SPATA13: variants seen among roughly 807,000 people sequenced by gnomAD.
SPATA13 encodes the protein spermatogenesis-associated protein 13.
In SPATA13, 50 loss-of-function variants were observed where a neutral mutation model predicts 104.0. The ratio of observed to expected loss-of-function variants is 0.48; its 90% CI spans 0.38 to 0.61. SPATA13 has a LOEUF of 0.61. SPATA13 is among the 20% of genes least tolerant of loss of function. The pLI is 0.00. For synonymous variants in SPATA13, 606 were observed against 667.5 expected (o/e 0.91, Z 1.42); for missense variants, 1,524 against 1,690.6 (o/e 0.90, Z 1.73).
intron 4 of SPATA13, among the ~76,000 whole-genome samples, chr13:24,258,277 A>G (rs796455384): frequency 6.6e-6 from 1 of 151,418 alleles, no homozygotes; most frequent in East Asian, 1.9e-4. Context: ...CTGCCTGTCA[A>G]TAAGAAAGCA....
chr13:24,024,947 TATATATATAAATATATATATAAAC>T (rs1877144142), intron 3 of SPATA13, among the ~76,000 whole-genome samples: 1 of 148,804 alleles, frequency 6.7e-6, no homozygotes, highest in Admixed American at 6.7e-5. Context: ...TATATATAAA[TATATATATAAATATATATATAAAC>T]ACAGATGAAG....
rs1877317752 is a variant in SPATA13 at position 24,302,968 on chromosome 13, G to C, written c.*195G>C. 3.0e-6 allele frequency: 2 copies of C among 667,768 alleles called. No individual in the cohort carries two copies. Among genetic ancestry groups the C allele is most frequent in the Admixed American group, 5.4e-5 (2 of 37,380 alleles). The allele number at this position is 667,768 out of a possible 1,614,324, so 41.4% of individuals were successfully genotyped here. A position where few individuals can be genotyped will look rare whatever the true frequency, so the allele number is the denominator to read the frequency against. On this transcript the variant is annotated 3_prime_UTR_variant, in exon 13 of 13. Transcript: ENST00000382108. ...GCTGCCTTTGTGGAAGGGAGGAGAC[G>C]GTCATGACACAAAGCTTTATCCTAC...
chr13:24,016,426 C>CA (rs772666651), intron 2 of SPATA13, among the ~76,000 whole-genome samples: 7 of 152,224 alleles, frequency 4.6e-5, no homozygotes, highest in Non-Finnish European at 7.3e-5. Context: ...ATTGACTTCT[C>CA]ACGTTTCTCA....
chr13:24,068,686 T>A (rs1223194424), intron 3 of SPATA13, among the ~76,000 whole-genome samples: 1 of 152,202 alleles, frequency 6.6e-6, no homozygotes, highest in Non-Finnish European at 1.5e-5. Flanking sequence ...TCTTATGCAG[T>A]GAGAGCCTTA....
chr13:24,071,598 C>T (rs777764930), intron 3 of SPATA13, among the ~76,000 whole-genome samples: 10 of 152,154 alleles, frequency 6.6e-5, no homozygotes, highest in Non-Finnish European at 1.2e-4. Context: ...CTGACTCAGC[C>T]CTCTGTAGTA....
At chr13:24,070,761 C>G (rs1042172598) in intron 3 of SPATA13, among the ~76,000 whole-genome samples, 2 of 152,108 alleles carry the variant, frequency 1.3e-5, no homozygotes, top group Non-Finnish European at 2.9e-5. Context: ...TGACCCTCCC[C>G]CAAGTAATGA....
Position 24,249,821 on chromosome 13 carries a change from A to T in SPATA13, c.1998A>T (p.Glu666Asp), listed in dbSNP as rs1194590061. The change falls in exon 3 of 13, where the codon GAA becomes GAT. Residue 666 changes from glutamate to aspartate, a missense_variant. Transcript: ENST00000382108. Reference protein sequence around the residue: ...VSLYGTNQTEELDNLLTQPAS... With the variant: ...VSLYGTNQTEDLDNLLTQPAS... ...TGTATGGGACCAACCAGACGGAGGA[A>T]CTGGACAATCTTCTGACCCAAGTAA... The T allele has an allele frequency of 1.9e-6, 3 of 1,607,850 alleles. No individual in the cohort carries two copies. The highest frequency in any genetic ancestry group is 2.5e-6 in the Non-Finnish European group (3 of 1,176,882).
intron 2 of SPATA13, among the ~76,000 whole-genome samples, chr13:23,997,630 AG>A (rs1875758463): frequency 2.6e-5 from 4 of 152,214 alleles, no homozygotes; most frequent in Admixed American, 2.0e-4. Flanking sequence ...CAGGTTATAC[AG>A]GAAGCATCAG....
chr13:24,124,133 A>G (rs1881132380), intron 3 of SPATA13, among the ~76,000 whole-genome samples: 1 of 152,222 alleles, frequency 6.6e-6, no homozygotes, highest in East Asian at 1.9e-4. Flanking sequence ...GCACCCAGCA[A>G]CATACAAATT....
At chr13:23,994,884 G>A (rs1434726717) in intron 2 of SPATA13, among the ~76,000 whole-genome samples, 1 of 152,180 alleles carries the variant, frequency 6.6e-6, no homozygotes, top group Non-Finnish European at 1.5e-5. Flanking sequence ...AAGCATATCA[G>A]CACACTGTTA....
chr13:24,037,814 C>T (rs1431830561), intron 3 of SPATA13, among the ~76,000 whole-genome samples: 1 of 152,084 alleles, frequency 6.6e-6, no homozygotes, highest in African/African-American at 2.4e-5. Flanking sequence ...ATGAAACCCC[C>T]AGAACTTGTA....
intron 1 of SPATA13, among the ~76,000 whole-genome samples, chr13:24,212,943 T>A (rs1871105849): frequency 1.3e-5 from 2 of 152,246 alleles, no homozygotes; most frequent in South Asian, 4.1e-4. Context: ...AGGATAGGCA[T>A]GTGGCCGGTG....
At chr13:24,131,959 C>T (rs973765440) in intron 3 of SPATA13, among the ~76,000 whole-genome samples, 12 of 152,192 alleles carry the variant, frequency 7.9e-5, no homozygotes, top group African/African-American at 2.9e-4. Flanking sequence ...CAGCTTAGAA[C>T]ACACAGCTTC....
chr13:24,035,127 A>G (rs55722906), intron 3 of SPATA13: 4 of 152,284 alleles, frequency 2.6e-5, no homozygotes, highest in Non-Finnish European at 5.9e-5. Context: ...AACATCCTAT[A>G]CTTATTGGGC....
intron 2 of SPATA13, among the ~76,000 whole-genome samples, chr13:24,007,149 G>C (rs1876270189): frequency 6.6e-6 from 1 of 152,154 alleles, no homozygotes; most frequent in Non-Finnish European, 1.5e-5. Context: ...TGCCTCTCCT[G>C]ATTGCCAAGC....
At chr13:24,134,779 G>T (rs28427412) in intron 3 of SPATA13, among the ~76,000 whole-genome samples, 4,832 of 152,260 alleles carry the variant, frequency 0.032, 201 homozygotes, top group African/African-American at 0.098. Context: ...GGCCTCAGGA[G>T]AGCTTCACTC....
At chr13:24,041,323 G>T (rs368435178) in intron 3 of SPATA13, among the ~76,000 whole-genome samples, 1 of 152,136 alleles carries the variant, frequency 6.6e-6, no homozygotes, top group African/African-American at 2.4e-5. Context: ...ACAGATAAAG[G>T]GTTTTTGTTT....
chr13:24,257,267 C>G (rs1231266215), intron 4 of SPATA13, among the ~76,000 whole-genome samples: 1 of 152,168 alleles, frequency 6.6e-6, no homozygotes, highest in African/African-American at 2.4e-5. Flanking sequence ...GTTTACTTCG[C>G]TGTTAGACTT....
At chr13:24,204,479 T>C (rs1316208781) in intron 1 of SPATA13, among the ~76,000 whole-genome samples, 1 of 152,304 alleles carries the variant, frequency 6.6e-6, no homozygotes, top group South Asian at 2.1e-4. Flanking sequence ...TTTTTAGGCA[T>C]AAAATTCAGT....
Sources: gnomAD v4.1 joint callset for allele counts (sites outside exome capture counted in the v4.1 genomes callset) on GRCh38, gnomAD v4.1.1 for gene constraint, MANE v1.5 for transcripts, NCBI Gene and HGNC (gene_info 2026-07-23, HGNC 2026-07-21) for gene names.